Variants in ITPR2 observed in about 807,000 individuals in gnomAD.
ITPR2 encodes the protein inositol 1,4,5-trisphosphate-gated calcium channel ITPR2.
Under a neutral mutation model 317.1 loss-of-function variants are expected in ITPR2, and 207 were observed. The observed-to-expected ratio is 0.65, with a 90% CI of 0.58 to 0.73. The LOEUF (loss-of-function observed/expected upper bound fraction) is 0.73, where lower values mean the gene tolerates loss of function less well. Ranked by LOEUF, ITPR2 falls within the 30% of genes least tolerant of loss-of-function variation. The pLI is 0.00. For synonymous variants in ITPR2, 1,156 were observed against 1,149.1 expected (o/e 1.01, Z -0.12); for missense variants, 2,613 against 3,284.0 (o/e 0.80, Z 4.99).
At chr12:26,768,432 AAATAAAAAAT>A (rs1949768362) in intron 2 of ITPR2, among the ~76,000 whole-genome samples, 1 of 97,406 alleles carries the variant, frequency 1.0e-5, no homozygotes, top group African/African-American at 3.5e-5. Context: ...AATTAAAAAA[AAATAAAAAAT>A]AAAAAATAAA....
chr12:26,631,771 A>T, intron 22 of ITPR2, 95 bp downstream of exon 22: 1 of 1,050,672 alleles, frequency 9.5e-7, no homozygotes, highest in Non-Finnish European at 1.4e-6. Flanking sequence ...AGCATTTCAG[A>T]ATATTTACAC....
chr12:26,784,816 C>A (rs1467312057), intron 2 of ITPR2, among the ~76,000 whole-genome samples: 15 of 75,098 alleles, frequency 2.0e-4, no homozygotes. Flanking sequence ...GTCTGGGATA[C>A]GGGGAGCCTC....
In ITPR2 at chr12:26,399,183, T is replaced by G. The variant is rs1940092596; in HGVS notation, c.7531-142A>C. The G allele has an allele frequency of 1.5e-5, 9 of 601,214 alleles. No homozygotes were observed. In the East Asian group the frequency reaches 3.0e-4, roughly 20 times the overall value. The allele number at this position is 601,214 out of a possible 1,614,324, so 37.2% of individuals were successfully genotyped here. A position where few individuals can be genotyped will look rare whatever the true frequency, so the allele number is the denominator to read the frequency against. ...GGAAAAATAAGGCTCACTTTCCATC[T>G]CTACTTTAAGTGTTGTAAGAAAAAC... is the stretch of plus-strand genomic sequence containing the variant. On this transcript the variant is annotated intron_variant, in intron 53 of 56. Transcript: ENST00000381340.
chr12:26,603,870 C>G (rs1020638972), intron 26 of ITPR2, among the ~76,000 whole-genome samples: 6 of 152,126 alleles, frequency 3.9e-5, no homozygotes. Context: ...AAAGATTGGG[C>G]AATCAGAGTG....
At chr12:26,777,924 G>A (rs1403084116) in intron 2 of ITPR2, among the ~76,000 whole-genome samples, 1 of 152,210 alleles carries the variant, frequency 6.6e-6, no homozygotes, top group African/African-American at 2.4e-5. Context: ...TTTAGGGACT[G>A]CTGGACACTG....
intron 13 of ITPR2, among the ~76,000 whole-genome samples, chr12:26,668,792 AAT>A (rs1215521850): frequency 1.4e-5 from 2 of 147,698 alleles, no homozygotes; most frequent in East Asian, 3.9e-4. Flanking sequence ...ATAAATGAAA[AAT>A]AGGTGGATAT....
chr12:26,809,502 C>T (rs1230325882), intron 1 of ITPR2, among the ~76,000 whole-genome samples: 1 of 152,188 alleles, frequency 6.6e-6, no homozygotes, highest in Non-Finnish European at 1.5e-5. Context: ...TGAAATATCT[C>T]CCTAGGAACA....
At chr12:26,563,387 T>A (rs1046649466) in intron 34 of ITPR2, among the ~76,000 whole-genome samples, 9 of 152,178 alleles carry the variant, frequency 5.9e-5, no homozygotes, top group East Asian at 3.9e-4. Flanking sequence ...CTGGCCAACA[T>A]GGTGAAACCC....
At chr12:26,375,365 G>T (rs1464330883) in intron 55 of ITPR2, among the ~76,000 whole-genome samples, 1 of 152,172 alleles carries the variant, frequency 6.6e-6, no homozygotes, top group Non-Finnish European at 1.5e-5. Flanking sequence ...TCCATATACT[G>T]AACATGTCCA....
In ITPR2 at chr12:26,494,353, A is replaced by G. The variant is rs958680874; in HGVS notation, c.5183-13T>C. The stretch of plus-strand genomic sequence containing the variant: ...CCAGAAAAGCTTCCTGTGATTGGGA[A>G]AAATAAATAAATAAACCTTAATTGT... On this transcript the variant is annotated splice_polypyrimidine_tract_variant and intron_variant, in intron 38 of 56. Coordinates refer to ENST00000381340, the MANE Select transcript of ITPR2 (RefSeq NM_002223.4). The G allele has an allele frequency of 1.3e-6, 2 of 1,563,118 alleles. No individual in the cohort carries two copies. Among genetic ancestry groups the G allele is most frequent in the Admixed American group, 3.6e-5 (2 of 55,412 alleles).
chr12:26,671,099 A>G (rs1323964057), intron 13 of ITPR2, among the ~76,000 whole-genome samples: 3 of 152,156 alleles, frequency 2.0e-5, no homozygotes, highest in African/African-American at 2.4e-5. Flanking sequence ...TGACGGGGAG[A>G]ATGGAACCAA....
chr12:26,385,544 C>A (rs1479392686), intron 55 of ITPR2, among the ~76,000 whole-genome samples: 2 of 152,164 alleles, frequency 1.3e-5, no homozygotes, highest in African/African-American at 4.8e-5. Flanking sequence ...TTAGTTATAA[C>A]CTTTAGAGGT....
chr12:26,647,884 A>G (rs1010479819), intron 21 of ITPR2, among the ~76,000 whole-genome samples: 16 of 152,246 alleles, frequency 1.1e-4, no homozygotes, highest in Admixed American at 2.0e-4. Context: ...GCAAGCCTCA[A>G]TCATTTTCTG....
intron 1 of ITPR2, among the ~76,000 whole-genome samples, chr12:26,804,367 G>A: frequency 6.6e-6 from 1 of 152,144 alleles, no homozygotes; most frequent in South Asian, 2.1e-4. Flanking sequence ...ACTGGCAAGG[G>A]ACTAATTGTG....
intron 37 of ITPR2, among the ~76,000 whole-genome samples, chr12:26,542,322 A>C (rs1944286436): frequency 6.6e-6 from 1 of 152,238 alleles, no homozygotes; most frequent in Non-Finnish European, 1.5e-5. Flanking sequence ...TAACTGAGAA[A>C]ATAAATGAGT....
chr12:26,670,883 C>T (rs534003688), intron 13 of ITPR2, among the ~76,000 whole-genome samples: 13 of 152,178 alleles, frequency 8.5e-5, no homozygotes, highest in South Asian at 2.1e-4. Context: ...AGCCAAGGCT[C>T]GAGAACTACC....
At chr12:26,655,150 A>G (rs1947342046) in intron 20 of ITPR2, among the ~76,000 whole-genome samples, 3 of 152,268 alleles carry the variant, frequency 2.0e-5, no homozygotes, top group African/African-American at 7.2e-5. Flanking sequence ...CTCCATAGAG[A>G]TAAAAAAAAG....
chr12:26,393,387 G>T (rs2136639080), intron 54 of ITPR2, among the ~76,000 whole-genome samples: 1 of 152,254 alleles, frequency 6.6e-6, no homozygotes, highest in South Asian at 2.1e-4. Flanking sequence ...TATATCATTT[G>T]TGTGGTTGGA....
chr12:26,512,128 A>T (rs1339065556), intron 37 of ITPR2, among the ~76,000 whole-genome samples: 1 of 151,712 alleles, frequency 6.6e-6, no homozygotes, highest in Non-Finnish European at 1.5e-5. Context: ...CAAGCTGGGA[A>T]CTGTGTCAGG....
Sources: allele counts gnomAD v4.1 joint callset (sites outside exome capture counted in the v4.1 genomes callset), GRCh38; gene constraint gnomAD v4.1.1; transcripts MANE v1.5; gene names NCBI Gene and HGNC (gene_info 2026-07-23, HGNC 2026-07-21).